OTUD7B: variants seen among roughly 807,000 people sequenced by gnomAD.
OTUD7B encodes the protein OTU domain-containing protein 7B.
A neutral mutation model predicts 82.2 loss-of-function variants in OTUD7B; 34 were observed. The ratio of observed to expected loss-of-function variants is 0.41; its 90% CI spans 0.31 to 0.55. The LOEUF is 0.55. Among genes scored for constraint, OTUD7B ranks in the 20% least tolerant of loss-of-function variants. The pLI is 0.20. For synonymous variants in OTUD7B, 398 were observed against 402.7 expected (o/e 0.99, Z 0.14); for missense variants, 944 against 1,062.1 (o/e 0.89, Z 1.55).
At chr1:150,012,916 G>C (rs587743078), upstream of OTUD7B, among the ~76,000 whole-genome samples, 1 of 152,354 alleles carries the variant, frequency 6.6e-6, no homozygotes, top group African/African-American at 2.4e-5. Flanking sequence ...TCTGGTCCCA[G>C]CTCAACCAGT....
the OTUD7B span, among the ~76,000 whole-genome samples, chr1:150,044,117 T>TAATAA: frequency 1.3e-5 from 2 of 151,948 alleles, no homozygotes; most frequent in African/African-American, 4.8e-5. Context: ...CTCAAAAAAA[T>TAATAA]AATAAAATAA....
the OTUD7B span, among the ~76,000 whole-genome samples, chr1:150,022,396 CAA>C: frequency 1.3e-3 from 8 of 6,082 alleles, 3 homozygotes; most frequent in Non-Finnish European, 1.3e-3. Context: ...AAACTCTCTA[CAA>C]AAAAAAAAAA....
In OTUD7B at chr1:150,004,447, C is replaced by G. The variant is rs1652520881; in HGVS notation, c.-67+6001G>C. Among the ~76,000 whole-genome samples the G allele has an allele frequency of 2.0e-5, 3 of 152,008 alleles. No individual in the cohort carries two copies. In the South Asian group the frequency reaches 6.3e-4, roughly 32 times the overall value. ...TGCTGGTGCACGCCTGTAATCCCAG[C>G]TACTCAGGAGGCTGAGGCACGAGAA... On this transcript the variant is annotated intron_variant, in intron 1 of 11. Coordinates refer to ENST00000581312, the MANE Select transcript of OTUD7B (RefSeq NM_020205.4).
At chr1:150,062,040 A>G in the OTUD7B span, among the ~76,000 whole-genome samples, 3 of 152,276 alleles carry the variant, frequency 2.0e-5, no homozygotes, top group South Asian at 6.2e-4. Context: ...AAATCACTCA[A>G]AACTGACAAA....
chr1:149,950,401 C>A (rs1164893158), intron 7 of OTUD7B, among the ~76,000 whole-genome samples, 180 bp from the exon 8 acceptor site: 3 of 131,256 alleles, frequency 2.3e-5, no homozygotes, highest in African/African-American at 1.0e-4. Context: ...CTGTTTCTAC[C>A]TCCGTTTTCA....
At chr1:150,055,041 C>CTTTTTT in the OTUD7B span, 9 of 142,262 alleles carry the variant, frequency 6.3e-5, no homozygotes, top group Non-Finnish European at 1.0e-4. Flanking sequence ...TCTAAATTTC[C>CTTTTTT]TTTTTTTTTT....
At chr1:150,031,974 C>A in the OTUD7B span, among the ~76,000 whole-genome samples, 1 of 152,098 alleles carries the variant, frequency 6.6e-6, no homozygotes, top group Non-Finnish European at 1.5e-5. Flanking sequence ...AGTATTGGAA[C>A]CATTCTTTAC....
the OTUD7B span, among the ~76,000 whole-genome samples, chr1:150,034,413 T>C: frequency 6.6e-6 from 1 of 152,124 alleles, no homozygotes; most frequent in Non-Finnish European, 1.5e-5. Context: ...ACATAAGCAC[T>C]TTAAGTTAGA....
At chr1:149,987,887 T>G (rs1185178267) in intron 1 of OTUD7B, among the ~76,000 whole-genome samples, 2 of 152,180 alleles carry the variant, frequency 1.3e-5, no homozygotes, top group African/African-American at 4.8e-5. Context: ...TTCCTAGATG[T>G]ACACAGCTAC....
At chr1:150,028,531 C>G in the OTUD7B span, among the ~76,000 whole-genome samples, 1 of 152,120 alleles carries the variant, frequency 6.6e-6, no homozygotes. Flanking sequence ...ATCATGACCA[C>G]CATCCAACTC....
the OTUD7B span, among the ~76,000 whole-genome samples, chr1:150,027,450 G>T: frequency 1.3e-5 from 2 of 152,128 alleles, no homozygotes; most frequent in African/African-American, 4.8e-5. Flanking sequence ...AGCTGGGCAT[G>T]GTAGTGCACA....
At chr1:149,956,910 C>A (rs1307943109) in intron 7 of OTUD7B, among the ~76,000 whole-genome samples, 1 of 151,948 alleles carries the variant, frequency 6.6e-6, no homozygotes, top group Non-Finnish European at 1.5e-5. Context: ...CTTCTCTATG[C>A]TGTTTATTCT....
intron 1 of OTUD7B, among the ~76,000 whole-genome samples, chr1:150,000,599 C>T (rs116277718): frequency 0.01 from 1,558 of 152,156 alleles, 22 homozygotes; most frequent in African/African-American, 0.033. Flanking sequence ...ATCTGAAAAG[C>T]AATGTTGAGA....
chr1:149,977,493 A>G lies in OTUD7B; in HGVS notation c.18T>C (p.Asp6=). 6.2e-7 allele frequency: 1 copy of G among 1,614,106 alleles called. No individual in the cohort carries two copies. The highest frequency in any genetic ancestry group is 8.5e-7 in the Non-Finnish European group (1 of 1,179,946). The change falls in exon 2 of 12, where the codon GAT becomes GAC. Residue 6 remains aspartate (D), a synonymous_variant. Transcript: ENST00000581312. ...AACGGACAAAATCTGACAGAACAGC[A>G]TCCATGTCCAGGGTCATGTGATCCT... MTLDM[D]AVLSDFVRST... is the part of the protein sequence containing the mutation.
chr1:149,984,013 T>C (rs910941538), intron 1 of OTUD7B, among the ~76,000 whole-genome samples: 1 of 152,226 alleles, frequency 6.6e-6, no homozygotes, highest in African/African-American at 2.4e-5. Context: ...TCTGTCCAAC[T>C]TGGATGGATC....
At position 149,941,263 on chromosome 1, in the gene OTUD7B, C is replaced by T. The variant is rs1647235796; in HGVS notation, c.*2594G>A. 6.6e-6 allele frequency: 1 copy of T among 152,114 alleles called. No individual in the cohort carries two copies. Among genetic ancestry groups the T allele is most frequent in the South Asian group, 2.1e-4 (1 of 4,822 alleles). The allele number at this position is 152,114 out of a possible 1,614,324, so 9.4% of individuals were successfully genotyped here. A position where few individuals can be genotyped will look rare whatever the true frequency, so the allele number is the denominator to read the frequency against. On this transcript the variant is annotated 3_prime_UTR_variant, in exon 12 of 12. Coordinates refer to ENST00000581312, the MANE Select transcript of OTUD7B (RefSeq NM_020205.4). Reference sequence around the variant, plus strand: ...ACAGATCAAATCCAAACACAGCAGTCCAGTGGAGAATCAAAACTTTTCCGG... The same window carrying T: ...ACAGATCAAATCCAAACACAGCAGTTCAGTGGAGAATCAAAACTTTTCCGG...
At chr1:149,987,869 T>C (rs1651260355) in intron 1 of OTUD7B, among the ~76,000 whole-genome samples, 1 of 152,124 alleles carries the variant, frequency 6.6e-6, no homozygotes, top group Non-Finnish European at 1.5e-5. Context: ...AAGAAAAGTG[T>C]CTGTCCCTTC....
At chr1:150,059,804 A>G in the OTUD7B span, among the ~76,000 whole-genome samples, 1 of 152,236 alleles carries the variant, frequency 6.6e-6, no homozygotes, top group Non-Finnish European at 1.5e-5. Context: ...AAAAAAAGAA[A>G]GAAAAATTAT....
intron 6 of OTUD7B, 83 bp from the exon 7 acceptor site, chr1:149,959,879 T>A (rs889863040): frequency 3.6e-6 from 3 of 842,074 alleles, no homozygotes; most frequent in Non-Finnish European, 4.1e-6. Flanking sequence ...TATTCACTGT[T>A]ACTTACTCCC....
Sources: gnomAD v4.1 joint callset for allele counts (sites outside exome capture counted in the v4.1 genomes callset) on GRCh38, gnomAD v4.1.1 for gene constraint, MANE v1.5 for transcripts, NCBI Gene and HGNC (gene_info 2026-07-23, HGNC 2026-07-21) for gene names.